The following EEPD1 variants were observed in gnomAD, a reference collection of about 807,000 sequenced individuals.
EEPD1 encodes the protein endonuclease/exonuclease/phosphatase family domain-containing protein 1.
A neutral mutation model predicts 46.3 loss-of-function variants in EEPD1; 17 were observed. That is an observed-to-expected ratio of 0.37 (90% CI 0.25 to 0.55). EEPD1 has a LOEUF of 0.55. Ranked by LOEUF, EEPD1 falls within the 20% of genes least tolerant of loss-of-function variation. The pLI, the probability that EEPD1 is intolerant of heterozygous loss-of-function variation, is 0.83. For missense variants in EEPD1, 673 were observed against 745.6 expected, an observed-to-expected ratio of 0.90 and a Z score of 1.13; for synonymous variants, 313 against 315.6, an observed-to-expected ratio of 0.99 and a Z score of 0.09.
At chr7:36,287,854 A>T in intron 6 of EEPD1, 77 bp downstream of exon 6, 3 of 1,556,164 alleles carry the variant, frequency 1.9e-6, no homozygotes, top group Non-Finnish European at 1.7e-6. Flanking sequence ...GCCATCTCTG[A>T]CCACTTGGGC....
chr7:36,156,833 C>T (rs1250119218), intron 2 of EEPD1, among the ~76,000 whole-genome samples: 2 of 152,218 alleles, frequency 1.3e-5, no homozygotes, highest in Non-Finnish European at 2.9e-5. Context: ...AGGTGTTAGG[C>T]AATCAGCTGT....
chr7:36,231,826 T>C (rs1398848510), intron 2 of EEPD1, among the ~76,000 whole-genome samples: 3 of 152,230 alleles, frequency 2.0e-5, no homozygotes, highest in Non-Finnish European at 4.4e-5. Flanking sequence ...GGCTTATTGC[T>C]GCTTCATATG....
intron 3 of EEPD1, among the ~76,000 whole-genome samples, chr7:36,242,740 T>G (rs1786574294): frequency 1.5e-5 from 2 of 131,172 alleles, no homozygotes; most frequent in East Asian, 2.2e-4. Flanking sequence ...CTGACCAACA[T>G]GGCGAAACTG....
intron 2 of EEPD1, among the ~76,000 whole-genome samples, chr7:36,163,902 G>A (rs940567328): frequency 7.6e-6 from 1 of 131,090 alleles, no homozygotes; most frequent in African/African-American, 2.8e-5. Context: ...AAAAAAAAAA[G>A]CTATTCTGTT....
chr7:36,186,612 A>G (rs1785363493), intron 2 of EEPD1, among the ~76,000 whole-genome samples: 1 of 152,196 alleles, frequency 6.6e-6, no homozygotes. Flanking sequence ...TTCCTTCATG[A>G]CTAAATCAAA....
At chr7:36,287,570 C>A in intron 5 of EEPD1, 69 bp from the exon 6 acceptor site, 1 of 1,553,816 alleles carries the variant, frequency 6.4e-7, no homozygotes, top group Middle Eastern at 1.7e-4. Context: ...ATTTATGAGT[C>A]GGTTGTAACG....
intron 6 of EEPD1, 89 bp from the exon 7 acceptor site, chr7:36,296,904 A>G (rs1787534439): frequency 7.4e-7 from 1 of 1,357,688 alleles, no homozygotes; most frequent in African/African-American, 1.4e-5. Flanking sequence ...CAAGTCAGAG[A>G]ATCTCAATCC....
chr7:36,246,185 C>T (rs745934917), intron 3 of EEPD1, among the ~76,000 whole-genome samples: 2 of 152,118 alleles, frequency 1.3e-5, no homozygotes, highest in Non-Finnish European at 2.9e-5. Context: ...GCTGGGCCCT[C>T]AGGAGACACA....
chr7:36,275,781 C>T (rs558957724), intron 3 of EEPD1, among the ~76,000 whole-genome samples: 5 of 152,088 alleles, frequency 3.3e-5, no homozygotes, highest in South Asian at 2.1e-4. Flanking sequence ...TTTTTATTTC[C>T]GAGTCAGCAC....
At chr7:36,166,929 G>C (rs1418833326) in intron 2 of EEPD1, among the ~76,000 whole-genome samples, 2 of 151,970 alleles carry the variant, frequency 1.3e-5, no homozygotes, top group East Asian at 1.9e-4. Flanking sequence ...CCCACAGACT[G>C]GGGGGCTTCA....
At chr7:36,283,445 G>A (rs1562712197) in intron 4 of EEPD1, among the ~76,000 whole-genome samples, 1 of 152,120 alleles carries the variant, frequency 6.6e-6, no homozygotes, top group Non-Finnish European at 1.5e-5. Context: ...GATGCTTTAG[G>A]TAAGTTACTC....
intron 2 of EEPD1, among the ~76,000 whole-genome samples, chr7:36,204,445 G>C (rs1032476076): frequency 6.6e-6 from 1 of 150,722 alleles, no homozygotes; most frequent in Admixed American, 6.6e-5. Flanking sequence ...AAGGAGGAGG[G>C]ACTTTTGTGT....
chr7:36,291,209 T>A (rs1198579661), intron 6 of EEPD1, among the ~76,000 whole-genome samples: 1 of 152,250 alleles, frequency 6.6e-6, no homozygotes, highest in Non-Finnish European at 1.5e-5. Flanking sequence ...AGCATCTTTC[T>A]CTTTGTTCCT....
At chr7:36,178,887 GA>G (rs1184788368) in intron 2 of EEPD1, among the ~76,000 whole-genome samples, 1 of 152,224 alleles carries the variant, frequency 6.6e-6, no homozygotes, top group Admixed American at 6.5e-5. Context: ...AGTTAATTTA[GA>G]AAAGCCTAAA....
chr7:36,294,362 A>G (rs560385860), intron 6 of EEPD1, among the ~76,000 whole-genome samples: 13 of 152,360 alleles, frequency 8.5e-5, no homozygotes, highest in Non-Finnish European at 1.3e-4. Context: ...GATATTTAAG[A>G]TAACAGGCCA....
intron 2 of EEPD1, among the ~76,000 whole-genome samples, chr7:36,156,430 CAA>C (rs957058389): frequency 1.3e-5 from 2 of 152,136 alleles, no homozygotes; most frequent in African/African-American, 4.8e-5. Context: ...ACTCCTTCTG[CAA>C]AGTCTTCTTG....
intron 3 of EEPD1, among the ~76,000 whole-genome samples, chr7:36,262,769 G>A (rs1786949908): frequency 6.6e-6 from 1 of 152,326 alleles, no homozygotes; most frequent in East Asian, 1.9e-4. Context: ...AAGTACACAT[G>A]CTTGAGCCCA....
At chr7:36,231,774 G>A (rs1239917707) in intron 2 of EEPD1, among the ~76,000 whole-genome samples, 2 of 152,112 alleles carry the variant, frequency 1.3e-5, no homozygotes, top group African/African-American at 4.8e-5. Context: ...TCCCTTCCAG[G>A]GCAAAAAGTT....
rs1312181434 is a variant in EEPD1, at chr7:36,281,204, G to A, written c.1020G>A (p.Lys340=). ...RGCWKAVVAE[K]PSSQLQKGAG... ...GCTGGAAGGCTGTTGTTGCTGAGAAGCCCTCGAGTCAGCTCCAGAAGGTAC... is the reference window on the plus strand; with the variant it reads ...GCTGGAAGGCTGTTGTTGCTGAGAAACCCTCGAGTCAGCTCCAGAAGGTAC... Residue 340 remains lysine (K), a synonymous_variant, in exon 4 of 8, where the codon AAG becomes AAA. Coordinates refer to ENST00000242108, the MANE Select transcript of EEPD1 (RefSeq NM_030636.3). 1 of 1,614,170 alleles carries A rather than the reference G, an allele frequency of 6.2e-7. No homozygotes were observed. The highest frequency in any genetic ancestry group is 1.7e-5 in the Admixed American group (1 of 60,018).
Sources: allele counts gnomAD v4.1 joint callset (sites outside exome capture counted in the v4.1 genomes callset), GRCh38; gene constraint gnomAD v4.1.1; transcripts MANE v1.5; gene names NCBI Gene and HGNC (gene_info 2026-07-23, HGNC 2026-07-21).